SSR1: variants seen among roughly 807,000 people sequenced by gnomAD.
SSR1 encodes signal sequence receptor subunit 1.
A neutral mutation model predicts 36.1 loss-of-function variants in SSR1; 13 were observed. The observed-to-expected ratio is 0.36, with a 90% CI of 0.23 to 0.57. The LOEUF (loss-of-function observed/expected upper bound fraction) is 0.57, where lower values mean the gene tolerates loss of function less well. SSR1 is among the 20% of genes least tolerant of loss of function. The probability of loss-of-function intolerance (pLI) is 0.81; values close to 1 mark genes in which losing one functional copy is unlikely to be tolerated. For missense variants in SSR1, 291 were observed against 338.5 expected (o/e 0.86, Z 1.10); for synonymous variants, 113 against 118.9 (o/e 0.95, Z 0.32).
chr6:7,286,336 C>T lies in SSR1; in HGVS notation c.*3528G>A, dbSNP rs975441307. On this transcript the variant is annotated 3_prime_UTR_variant, in exon 8 of 8. Coordinates refer to ENST00000244763, the MANE Select transcript of SSR1 (RefSeq NM_003144.5). ...AAATGAAAAGGGATAAAAATTCATACAAAATCCATTAGTAACATTCATAAG... is the reference window on the plus strand; with the variant it reads ...AAATGAAAAGGGATAAAAATTCATATAAAATCCATTAGTAACATTCATAAG... 2 of 152,010 alleles carry T rather than the reference C, an allele frequency of 1.3e-5. No individual in the cohort carries two copies. Among genetic ancestry groups the T allele is most frequent in the East Asian group, 1.9e-4 (1 of 5,198 alleles). The allele number at this position is 152,010 out of a possible 1,614,324, so 9.4% of individuals were successfully genotyped here.
chr6:7,304,883 A>G (rs1439329096), intron 2 of SSR1, among the ~76,000 whole-genome samples: 2 of 152,242 alleles, frequency 1.3e-5, no homozygotes, highest in African/African-American at 4.8e-5. Flanking sequence ...AGATTATCTC[A>G]TAATTTTAAA....
In SSR1 at chr6:7,297,973, G is replaced by C. The variant is rs748046505; in HGVS notation, c.649C>G (p.Leu217Val). ...AGGCCAACAATAACCAGAAGCCCAAGACCAGCAAGGAACATATACATAAAG... is the reference window on the plus strand; with the variant it reads ...AGGCCAACAATAACCAGAAGCCCAACACCAGCAAGGAACATATACATAAAG... ...TIFMYMFLAG[L>V]GLLVIVGLHQ... Residue 217 changes from leucine to valine, a missense_variant, in exon 6 of 8, where the codon CTT becomes GTT. Physicochemically the swap from Leu to Val is conservative, Grantham distance 32. Coordinates refer to ENST00000244763, the MANE Select transcript of SSR1 (RefSeq NM_003144.5). 1.2e-6 allele frequency: 2 copies of C among 1,613,358 alleles called. No individual in the cohort carries two copies. Among genetic ancestry groups the C allele is most frequent in the South Asian group, 2.2e-5 (2 of 91,028 alleles).
At chr6:7,306,160 C>G (rs751328683) in intron 2 of SSR1, among the ~76,000 whole-genome samples, 3 of 152,190 alleles carry the variant, frequency 2.0e-5, no homozygotes, top group Non-Finnish European at 4.4e-5. Context: ...CGGAGTCTCG[C>G]TCTGTTGCCC....
chr6:7,294,507 G>A (rs1290705235), intron 7 of SSR1, among the ~76,000 whole-genome samples: 2 of 151,658 alleles, frequency 1.3e-5, no homozygotes, highest in Admixed American at 6.6e-5. Flanking sequence ...GGCCAACATG[G>A]TGAAACCCTG....
chr6:7,301,601 T>C (rs78399427), intron 3 of SSR1, 29 bp from the exon 4 acceptor site: 196,138 of 1,586,224 alleles, frequency 0.12, 12,914 homozygotes, highest in Middle Eastern at 0.14. Flanking sequence ...ACAAAAAAAT[T>C]AGAACACATG....
chr6:7,309,941 T>C lies in SSR1; in HGVS notation c.168A>G (p.Val56=). ...CCAAATCTGTGGGTTCATCTTCTTCTACCTCGGCTTCATCATCTTCATCCT... is the reference window on the plus strand; with the variant it reads ...CCAAATCTGTGGGTTCATCTTCTTCCACCTCGGCTTCATCATCTTCATCCT... ...IIEDEDDEAE[V]EEDEPTDLVE... Residue 56 remains valine, a synonymous_variant, in exon 2 of 8, where the codon GTA becomes GTG. Transcript: ENST00000244763. The C allele has an allele frequency of 6.2e-7, 1 of 1,613,900 alleles. No individual in the cohort carries two copies. The highest frequency in any genetic ancestry group is 8.5e-7 in the Non-Finnish European group (1 of 1,179,840).
chr6:7,308,465 TGA>T (rs1405959445), intron 2 of SSR1, among the ~76,000 whole-genome samples: 3 of 152,098 alleles, frequency 2.0e-5, no homozygotes, highest in African/African-American at 7.2e-5. Context: ...TCTGGAATCA[TGA>T]GAGGTTCCAG....
Position 7,282,145 on chromosome 6 carries a change from C to T in SSR1, c.*7719G>A, listed in dbSNP as rs146160415. On this transcript the variant is annotated 3_prime_UTR_variant, in exon 8 of 8. Coordinates refer to ENST00000244763, the MANE Select transcript of SSR1 (RefSeq NM_003144.5). ...TCTGGCAAGTGGAGAACCATGAGAT[C>T]CTGACAGAGCAGGCTTTTGTGGGCA... is the stretch of plus-strand genomic sequence containing the variant. 123 of 152,318 alleles carry T rather than the reference C, an allele frequency of 8.1e-4. No homozygotes were observed. The highest frequency in any genetic ancestry group is 2.3e-3 in the African/African-American group (95 of 41,550). The allele number at this position is 152,318 out of a possible 1,614,324, so 9.4% of individuals were successfully genotyped here.
At chr6:7,303,449 C>T in intron 3 of SSR1, 101 bp downstream of exon 3, 1 of 744,032 alleles carries the variant, frequency 1.3e-6, no homozygotes, top group South Asian at 2.4e-5. Flanking sequence ...CTTTAAATGC[C>T]AACAATATTA....
rs148883029 is a variant in SSR1 at position 7,288,753 on chromosome 6, T to C, written c.*1111A>G. 2 of 152,600 alleles carry C rather than the reference T, an allele frequency of 1.3e-5. No homozygotes were observed. The highest frequency in any genetic ancestry group is 2.9e-5 in the Non-Finnish European group (2 of 68,026). 9.5% of individuals were successfully genotyped at this position (152,600 alleles called of 1,614,324 possible). ...GGCAAGAGTAACTCTATAAGAGGAT[T>C]TTATGAAGTACAATTTAATTTTGGT... On this transcript the variant is annotated 3_prime_UTR_variant, in exon 8 of 8. Transcript: ENST00000244763.
chr6:7,289,992 T>C (rs1232525485), intron 7 of SSR1, 61 bp from the exon 8 acceptor site: 4 of 1,402,210 alleles, frequency 2.9e-6, no homozygotes, highest in African/African-American at 1.5e-5. Context: ...TCAAAAGACA[T>C]GTTAAAAAGT....
At position 7,303,616 on chromosome 6, in the gene SSR1, C is replaced by T. The variant is rs1757986425; in HGVS notation, c.214G>A (p.Asp72Asn). 6.2e-7 allele frequency: 1 copy of T among 1,612,910 alleles called. No individual in the cohort carries two copies. The highest frequency in any genetic ancestry group is 8.5e-7 in the Non-Finnish European group (1 of 1,179,322). Residue 72 changes from aspartate to asparagine, a missense_variant, in exon 3 of 8, where the codon GAT becomes AAT. Asp to Asn is a conservative substitution (Grantham distance 23, BLOSUM62 1). Coordinates refer to ENST00000244763, the MANE Select transcript of SSR1 (RefSeq NM_003144.5). ...GAAGCTTCAGGTTCACCAGACACAT[C>T]TTCTTCCTCTTTATCTTCTACCTAA... ...TDLVEDKEEEDVSGEPEASPS... is the reference protein window; with the variant it reads ...TDLVEDKEEENVSGEPEASPS...
chr6:7,311,316 G>A (rs1306135873), intron 1 of SSR1, among the ~76,000 whole-genome samples: 2 of 152,166 alleles, frequency 1.3e-5, no homozygotes, highest in African/African-American at 4.8e-5. Context: ...CAAAGTTCTA[G>A]TGTCTTCCAA....
intron 3 of SSR1, among the ~76,000 whole-genome samples, chr6:7,302,704 G>C (rs1286094835): frequency 6.6e-6 from 1 of 151,746 alleles, no homozygotes; most frequent in Non-Finnish European, 1.5e-5. Flanking sequence ...AGAGGTTGCA[G>C]TGAGCCGAGA....
chr6:7,307,757 C>CTCAA (rs1210541090), intron 2 of SSR1, among the ~76,000 whole-genome samples: 1 of 152,220 alleles, frequency 6.6e-6, no homozygotes, highest in African/African-American at 2.4e-5. Context: ...AACTCCTGGA[C>CTCAA]TCAAGTGATC....
intron 5 of SSR1, among the ~76,000 whole-genome samples, 191 bp from the exon 6 acceptor site, chr6:7,298,192 T>G (rs1757845376): frequency 1.3e-5 from 2 of 152,148 alleles, no homozygotes; most frequent in African/African-American, 2.4e-5. Flanking sequence ...AATTAGTCAA[T>G]TAAAAAAAAC....
At chr6:7,312,673 G>A (rs1945261547) in intron 1 of SSR1, among the ~76,000 whole-genome samples, 2 of 152,238 alleles carry the variant, frequency 1.3e-5, no homozygotes, top group Admixed American at 1.3e-4. Flanking sequence ...AAACAGCCCG[G>A]CTGCGGCGCG....
chr6:7,310,873 T>C (rs1311051611), intron 1 of SSR1, among the ~76,000 whole-genome samples: 1 of 152,092 alleles, frequency 6.6e-6, no homozygotes, highest in East Asian at 1.9e-4. Context: ...ATTGTACCAC[T>C]GCACTCCAGC....
intron 2 of SSR1, among the ~76,000 whole-genome samples, chr6:7,308,690 T>C (rs1330620999): frequency 6.6e-6 from 1 of 152,230 alleles, no homozygotes; most frequent in Non-Finnish European, 1.5e-5. Flanking sequence ...AGATATATTT[T>C]ACATACTGTT....
Sources: gnomAD v4.1 joint callset for allele counts (sites outside exome capture counted in the v4.1 genomes callset) on GRCh38, gnomAD v4.1.1 for gene constraint, MANE v1.5 for transcripts, NCBI Gene and HGNC (gene_info 2026-07-23, HGNC 2026-07-21) for gene names.